APCDD1: variants seen among roughly 807,000 people sequenced by gnomAD.
APCDD1 encodes protein APCDD1.
APCDD1 carries 15 observed loss-of-function variants against 38.1 expected under a neutral mutation model. The observed-to-expected ratio is 0.39, with a 90% CI of 0.26 to 0.61. The LOEUF (loss-of-function observed/expected upper bound fraction) is 0.61. Among genes scored for constraint, APCDD1 ranks in the 20% least tolerant of loss-of-function variants. The pLI is 0.49. For missense variants in APCDD1, 647 were observed against 696.2 expected, an observed-to-expected ratio of 0.93 and a Z score of 0.79; for synonymous variants, 261 against 279.7, an observed-to-expected ratio of 0.93 and a Z score of 0.67.
At chr18:10,481,257 C>T (rs2031130115) in intron 3 of APCDD1, among the ~76,000 whole-genome samples, 1 of 152,150 alleles carries the variant, frequency 6.6e-6, no homozygotes, top group African/African-American at 2.4e-5. Context: ...GTCCTAGCAG[C>T]ATCAATCACA....
intron 1 of APCDD1, among the ~76,000 whole-genome samples, chr18:10,461,071 T>A (rs1449020047): frequency 6.8e-6 from 1 of 146,088 alleles, no homozygotes; most frequent in Non-Finnish European, 1.5e-5. Flanking sequence ...TCTGGTAGCC[T>A]ATGGTGATTA....
At chr18:10,455,506 G>C (rs1254090582) in intron 1 of APCDD1, among the ~76,000 whole-genome samples, 1 of 152,228 alleles carries the variant, frequency 6.6e-6, no homozygotes, top group Non-Finnish European at 1.5e-5. Context: ...ATTTGGGAAA[G>C]ACACGTCTGT....
intron 3 of APCDD1, among the ~76,000 whole-genome samples, chr18:10,480,594 T>C (rs2031111079): frequency 6.6e-6 from 1 of 152,128 alleles, no homozygotes; most frequent in Admixed American, 6.6e-5. Flanking sequence ...TCTTCATGAC[T>C]GCTAAAGAGT....
Position 10,464,355 on chromosome 18 carries a change from C to T in APCDD1, c.59-4114C>T, listed in dbSNP as rs79734430. Among the ~76,000 whole-genome samples, 1,087 of 145,344 alleles carry T rather than the reference C, an allele frequency of 7.5e-3. 9 individuals carry two copies. The highest frequency in any genetic ancestry group is 0.024 in the African/African-American group (943 of 39,892). ...ACACACACACACACAGACACACACA[C>T]ACAAAAACATCTTTGTTAGTCTTTA... On this transcript the variant is annotated intron_variant, in intron 1 of 4. Transcript: ENST00000355285.
intron 1 of APCDD1, 148 bp downstream of exon 1, chr18:10,455,187 G>A: frequency 1.5e-6 from 2 of 1,358,548 alleles, no homozygotes; most frequent in Non-Finnish European, 1.9e-6. Context: ...CGCGCCTGCC[G>A]TCTCAGCCCT....
chr18:10,464,278 C>T (rs1456240171), intron 1 of APCDD1, among the ~76,000 whole-genome samples: 2 of 149,456 alleles, frequency 1.3e-5, no homozygotes, highest in East Asian at 4.0e-4. Context: ...TCTTTGACAT[C>T]CAGGCCAGTG....
intron 1 of APCDD1, among the ~76,000 whole-genome samples, chr18:10,459,687 CT>C (rs2030480544): frequency 6.6e-6 from 1 of 152,194 alleles, no homozygotes; most frequent in Non-Finnish European, 1.5e-5. Flanking sequence ...TACATACATG[CT>C]TTTATTTCAA....
intron 3 of APCDD1, among the ~76,000 whole-genome samples, chr18:10,481,961 C>T (rs1568007460): frequency 1.3e-5 from 2 of 152,242 alleles, no homozygotes; most frequent in South Asian, 2.1e-4. Context: ...AGCTCAGGAC[C>T]CCGGCCTCAT....
rs1367145926 is a variant in APCDD1 at position 10,487,644 on chromosome 18, T to C, written c.1151T>C (p.Val384Ala). 6.2e-7 allele frequency: 1 copy of C among 1,614,168 alleles called. No homozygotes were observed. The highest frequency in any genetic ancestry group is 8.5e-7 in the Non-Finnish European group (1 of 1,180,038). Residue 384 changes from valine (V) to alanine (A), a missense_variant, in exon 5 of 5, where the codon GTC (valine) becomes GCC (alanine). By Grantham distance (64) the Val-to-Ala change is moderately conservative. Coordinates refer to ENST00000355285, the MANE Select transcript of APCDD1 (RefSeq NM_153000.5). ...MDAATASLLNVFNGNECGAEG... is the reference protein window; with the variant it reads ...MDAATASLLNAFNGNECGAEG... Reference sequence around the variant, plus strand: ...GCGGCCACAGCCTCACTGCTCAACGTCTTCAACGGGAATGAGTGCGGGGCC... The same window carrying C: ...GCGGCCACAGCCTCACTGCTCAACGCCTTCAACGGGAATGAGTGCGGGGCC...
At position 10,454,652 on chromosome 18, in the gene APCDD1, G is replaced by T; in HGVS notation, c.-330G>T. Reference sequence around the variant, plus strand: ...GGAAATATGAAGAGACGCTGCAGCTGCGGTGGCGGTGGCGGCCACTGCAGC... The same window carrying T: ...GGAAATATGAAGAGACGCTGCAGCTTCGGTGGCGGTGGCGGCCACTGCAGC... On this transcript the variant is annotated 5_prime_UTR_variant, in exon 1 of 5. Coordinates refer to ENST00000355285, the MANE Select transcript of APCDD1 (RefSeq NM_153000.5). The T allele has an allele frequency of 9.6e-7, 1 of 1,037,080 alleles. No homozygotes were observed. The allele number at this position is 1,037,080 out of a possible 1,614,324, so 64.2% of individuals were successfully genotyped here.
chr18:10,456,013 C>G (rs1309364336), intron 1 of APCDD1, among the ~76,000 whole-genome samples: 1 of 152,200 alleles, frequency 6.6e-6, no homozygotes, highest in Admixed American at 6.5e-5. Flanking sequence ...AAACCTGTAG[C>G]GGGCTCCGGC....
intron 2 of APCDD1, 36 bp downstream of exon 2, chr18:10,468,688 A>AG: frequency 6.2e-7 from 1 of 1,605,108 alleles, no homozygotes; most frequent in Non-Finnish European, 8.5e-7. Context: ...GAGGCCAGAG[A>AG]GCACACCACT....
At chr18:10,483,358 G>A (rs111404599) in intron 3 of APCDD1, among the ~76,000 whole-genome samples, 5 of 152,224 alleles carry the variant, frequency 3.3e-5, no homozygotes, top group South Asian at 2.1e-4. Context: ...AAAAATGCAC[G>A]TAGAGCTTGG....
At position 10,471,752 on chromosome 18, in the gene APCDD1, C is replaced by A; in HGVS notation, c.465C>A (p.His155Gln). 1 of 1,613,812 alleles carries A rather than the reference C, an allele frequency of 6.2e-7. No homozygotes were observed. Among genetic ancestry groups the A allele is most frequent in the Non-Finnish European group, 8.5e-7 (1 of 1,179,798 alleles). Residue 155 changes from histidine (H) to glutamine (Q), a missense_variant, in exon 3 of 5, where the codon CAC (histidine) becomes CAA (glutamine). Physicochemically the swap from His to Gln is conservative, Grantham distance 24 (BLOSUM62 0). Coordinates refer to ENST00000355285, the MANE Select transcript of APCDD1 (RefSeq NM_153000.5). This position sits in a 1 kb window ranked among gnomAD's most constrained non-coding sequence, Gnocchi z 5.5. ...YQLHNVQVICHTEAVAEKLGQ... is the reference protein window; with the variant it reads ...YQLHNVQVICQTEAVAEKLGQ... ...TGCACAACGTCCAGGTGATCTGCCACACAGAGGCGGTGGCCGAGAAGCTCG... is the reference window on the plus strand; with the variant it reads ...TGCACAACGTCCAGGTGATCTGCCAAACAGAGGCGGTGGCCGAGAAGCTCG...
In APCDD1 at chr18:10,458,366, C is replaced by T. The variant is rs371267557; in HGVS notation, c.58+3327C>T. 1.4e-3 allele frequency among the ~76,000 whole-genome samples: 206 copies of T among 152,206 alleles called. 5 individuals are homozygous for T. The South Asian group carries it at 0.041, about 30-fold the overall frequency. On this transcript the variant is annotated intron_variant, in intron 1 of 4. Coordinates refer to ENST00000355285, the MANE Select transcript of APCDD1 (RefSeq NM_153000.5). ...GCAGATTACCAAATGAGAGTTTAAC[C>T]GACATAATGTGAGGAAACGTTTATA...
intron 1 of APCDD1, 94 bp downstream of exon 1, chr18:10,455,133 C>A: frequency 1.3e-6 from 2 of 1,520,644 alleles, no homozygotes; most frequent in South Asian, 1.2e-5. Flanking sequence ...GATCGCGGCA[C>A]GGCCTACACT....
At chr18:10,474,876 G>A (rs2030954992) in intron 3 of APCDD1, among the ~76,000 whole-genome samples, 1 of 152,200 alleles carries the variant, frequency 6.6e-6, no homozygotes, top group African/African-American at 2.4e-5. Flanking sequence ...ATTAAAGACA[G>A]CAATTGTAAA....
rs1273588883 is a variant in APCDD1, at chr18:10,475,417, A to C, written c.774+3356A>C. ...CGAGACATATTGTTAAGTAGGAAAA[A>C]AGGAAGTTATAAAATAGCGTGAATA... On this transcript the variant is annotated intron_variant, in intron 3 of 4. Transcript: ENST00000355285. The surrounding 1 kb of genome is among the most constrained non-coding windows in gnomAD (Gnocchi z 4.0). Among the ~76,000 whole-genome samples the C allele has an allele frequency of 7.2e-5, 11 of 152,206 alleles. No individual in the cohort carries two copies. Among genetic ancestry groups the C allele is most frequent in the Non-Finnish European group, 7.3e-5 (5 of 68,032 alleles).
At chr18:10,477,860 TAAA>T (rs954796281) in intron 3 of APCDD1, 3 of 152,166 alleles carry the variant, frequency 2.0e-5, no homozygotes, top group Non-Finnish European at 4.4e-5. Flanking sequence ...TAAAAAGAAA[TAAA>T]AATTCTTTTC....
Sources: gnomAD v4.1 joint callset for allele counts (sites outside exome capture counted in the v4.1 genomes callset) on GRCh38, gnomAD v4.1.1 for gene constraint, Gnocchi (gnomAD v3.1) non-coding constraint, MANE v1.5 for transcripts, NCBI Gene and HGNC (gene_info 2026-07-23, HGNC 2026-07-21) for gene names.